The following PPA2 variants were observed in gnomAD, a reference collection of about 807,000 sequenced individuals.
The protein encoded by PPA2 is inorganic pyrophosphatase 2, mitochondrial.
PPA2 carries 48 observed loss-of-function variants against 49.5 expected under a neutral mutation model. The ratio of observed to expected loss-of-function variants is 0.97; its 90% CI spans 0.77 to 1.23. The LOEUF (loss-of-function observed/expected upper bound fraction) is 1.23, where lower values mean the gene tolerates loss of function less well. Ranked by LOEUF, PPA2 falls within the 50% of genes most tolerant of loss-of-function variation. PPA2 has a pLI of 0.00. For synonymous variants in PPA2, 131 were observed against 139.9 expected (o/e 0.94, Z 0.45); for missense variants, 429 against 410.1 (o/e 1.05, Z -0.40).
chr4:105,456,597 T>A, intron 2 of PPA2, 84 bp downstream of exon 2: 1 of 1,158,682 alleles, frequency 8.6e-7, no homozygotes, highest in South Asian at 1.5e-5. Flanking sequence ...ACAACACTTT[T>A]TCCTTTCAAG....
chr4:105,381,658 A>G (rs1733494442), intron 10 of PPA2, among the ~76,000 whole-genome samples: 1 of 152,094 alleles, frequency 6.6e-6, no homozygotes, highest in Non-Finnish European at 1.5e-5. Context: ...TGTTGCAAAA[A>G]GCTTCTCAGT....
chr4:105,429,626 C>T (rs1262059177), intron 6 of PPA2, among the ~76,000 whole-genome samples: 5 of 152,126 alleles, frequency 3.3e-5, no homozygotes, highest in Admixed American at 2.6e-4. Context: ...TGTGCTGAAA[C>T]TGAAGTTATT....
chr4:105,370,881 TA>T lies in PPA2; in HGVS notation c.940-9del. The stretch of plus-strand genomic sequence containing the variant: ...ATTTGGTGAAGATGATACCTGGAAA[TA>T]AAAACAGAGAAAGAATCTCTGTTAC... On this transcript the variant is annotated splice_polypyrimidine_tract_variant and intron_variant, in intron 10 of 11. Coordinates refer to ENST00000341695, the MANE Select transcript of PPA2 (RefSeq NM_176869.3). The T allele has an allele frequency of 1.4e-6, 2 of 1,471,438 alleles. No homozygotes were observed. Among genetic ancestry groups the T allele is most frequent in the South Asian group, 1.3e-5 (1 of 76,370 alleles). The allele number at this position is 1,471,438 out of a possible 1,614,324, so 91.1% of individuals were successfully genotyped here.
chr4:105,369,852 AG>A, intron 11 of PPA2, 99 bp from the exon 12 acceptor site: 1 of 1,118,916 alleles, frequency 8.9e-7, no homozygotes, highest in Non-Finnish European at 1.4e-6. Context: ...GGAAGTATTT[AG>A]GCAGATACAA....
At chr4:105,411,102 TA>T (rs1319349186) in intron 7 of PPA2, among the ~76,000 whole-genome samples, 1 of 152,122 alleles carries the variant, frequency 6.6e-6, no homozygotes, top group Non-Finnish European at 1.5e-5. Context: ...ATGCCCCAAT[TA>T]AAAGACACAG....
chr4:105,390,668 TAAAA>T (rs1733877185), intron 9 of PPA2, among the ~76,000 whole-genome samples: 1 of 152,186 alleles, frequency 6.6e-6, no homozygotes, highest in Non-Finnish European at 1.5e-5. Context: ...TGGCAATTAT[TAAAA>T]AGTCAAGAAA....
chr4:105,386,560 C>G lies in PPA2; in HGVS notation c.939+7G>C. The G allele has an allele frequency of 6.2e-7, 1 of 1,606,560 alleles. No homozygotes were observed. Among genetic ancestry groups the G allele is most frequent in the Non-Finnish European group, 8.5e-7 (1 of 1,173,688 alleles). On this transcript the variant is annotated splice_region_variant and intron_variant, in intron 10 of 11. Transcript: ENST00000341695. Reference sequence around the variant, plus strand: ...ATTAAAGGATGTCTTGGATGTTTGCCCCTTACCGATTCAACTAATGATCTT... The same window carrying G: ...ATTAAAGGATGTCTTGGATGTTTGCGCCTTACCGATTCAACTAATGATCTT...
At chr4:105,396,104 C>A in intron 9 of PPA2, 145 bp downstream of exon 9, 1 of 456,680 alleles carries the variant, frequency 2.2e-6, no homozygotes, top group Non-Finnish European at 3.9e-6. Context: ...TAATAGTGCC[C>A]AACACTTAGT....
At chr4:105,438,663 A>T (rs1291843629) in intron 5 of PPA2, among the ~76,000 whole-genome samples, 1 of 152,204 alleles carries the variant, frequency 6.6e-6, no homozygotes. Context: ...TACACATAGG[A>T]ATTTTTATAA....
At chr4:105,391,889 TG>T (rs907584868) in intron 9 of PPA2, among the ~76,000 whole-genome samples, 1 of 143,428 alleles carries the variant, frequency 7.0e-6, no homozygotes, top group Non-Finnish European at 1.5e-5. Context: ...AAAAAGAGTA[TG>T]AGTAAAGAAA....
intron 7 of PPA2, among the ~76,000 whole-genome samples, chr4:105,404,107 G>A (rs1028418169): frequency 1.3e-5 from 2 of 151,148 alleles, no homozygotes; most frequent in African/African-American, 2.4e-5. Flanking sequence ...ATATGAGAGA[G>A]AAATTTAGAG....
At chr4:105,463,078 C>T (rs1400722842) in intron 1 of PPA2, among the ~76,000 whole-genome samples, 1 of 152,090 alleles carries the variant, frequency 6.6e-6, no homozygotes, top group Admixed American at 6.5e-5. Context: ...GGATAACAGG[C>T]AGAGTTTGGA....
At chr4:105,443,650 CTT>C (rs1560633976) in intron 5 of PPA2, among the ~76,000 whole-genome samples, 6 of 150,852 alleles carry the variant, frequency 4.0e-5, no homozygotes, top group African/African-American at 1.5e-4. Context: ...CTCTCTCTCT[CTT>C]TTTCTCTCTC....
At chr4:105,465,030 T>TTA (rs926999812) in intron 1 of PPA2, among the ~76,000 whole-genome samples, 22 of 152,186 alleles carry the variant, frequency 1.4e-4, no homozygotes, top group African/African-American at 5.1e-4. Context: ...GCATTTCCTA[T>TTA]TATATATATC....
At chr4:105,454,846 T>G (rs1722816667) in intron 2 of PPA2, among the ~76,000 whole-genome samples, 1 of 152,174 alleles carries the variant, frequency 6.6e-6, no homozygotes, top group Non-Finnish European at 1.5e-5. Context: ...CCATCCTCCT[T>G]AGACAAAATG....
intron 1 of PPA2, among the ~76,000 whole-genome samples, chr4:105,469,051 A>C (rs1184695024): frequency 6.6e-6 from 1 of 152,110 alleles, no homozygotes; most frequent in African/African-American, 2.4e-5. Flanking sequence ...TCTTTTATAC[A>C]TATTTCAAAA....
chr4:105,451,107 C>T (rs530226429), intron 3 of PPA2, among the ~76,000 whole-genome samples: 5 of 152,244 alleles, frequency 3.3e-5, no homozygotes, highest in Middle Eastern at 3.4e-3. Flanking sequence ...TTTCCCAGAG[C>T]CCCGTCTCTC....
intron 7 of PPA2, among the ~76,000 whole-genome samples, chr4:105,417,415 C>A (rs1723061311): frequency 6.6e-6 from 1 of 151,978 alleles, no homozygotes. Context: ...ATCAGAAGAT[C>A]CACTCTACAA....
intron 7 of PPA2, among the ~76,000 whole-genome samples, chr4:105,422,754 T>A (rs1041725129): frequency 2.6e-5 from 4 of 152,192 alleles, no homozygotes; most frequent in Non-Finnish European, 5.9e-5. Flanking sequence ...ATATCTACTA[T>A]AACAGGCACC....
Sources: allele counts gnomAD v4.1 joint callset (sites outside exome capture counted in the v4.1 genomes callset), GRCh38; gene constraint gnomAD v4.1.1; transcripts MANE v1.5; gene names NCBI Gene and HGNC (gene_info 2026-07-23, HGNC 2026-07-21).